Variants in CYB5D2 observed in about 807,000 individuals in gnomAD.
The protein encoded by CYB5D2 is cytochrome b5 domain containing 2.
A neutral mutation model predicts 22.8 loss-of-function variants in CYB5D2; 23 were observed. The ratio of observed to expected loss-of-function variants is 1.01; its 90% CI spans 0.73 to 1.43. The LOEUF (loss-of-function observed/expected upper bound fraction) is 1.43. Ranked by LOEUF, CYB5D2 falls within the 40% of genes most tolerant of loss-of-function variation. The pLI is 0.00. For missense variants in CYB5D2, 373 were observed against 357.2 expected (o/e 1.04, Z -0.36); for synonymous variants, 170 against 152.2 (o/e 1.12, Z -0.86).
chr17:4,145,014 CT>C (rs1328897183), intron 1 of CYB5D2, among the ~76,000 whole-genome samples: 1 of 152,100 alleles, frequency 6.6e-6, no homozygotes, highest in Non-Finnish European at 1.5e-5. Flanking sequence ...TCTCGATCTC[CT>C]GACCTTATGA....
chr17:4,156,943 G>A lies in CYB5D2; in HGVS notation c.656G>A (p.Cys219Tyr), dbSNP rs139208360. 1 of 1,612,772 alleles carries A rather than the reference G, an allele frequency of 6.2e-7. No individual in the cohort carries two copies. Among genetic ancestry groups the A allele is most frequent in the African/African-American group, 1.3e-5 (1 of 74,884 alleles). The change falls in exon 4 of 4, where the codon TGT becomes TAT. Residue 219 changes from cysteine (C) to tyrosine (Y), a missense_variant. Transcript: ENST00000301391. ...GGTGCTAAGGAGCCCCGCTGCGTGT[G>A]TGTGAGAACCACCGGCCCCCCTAGT... ...KPGAKEPRCV[C>Y]VRTTGPPSGQ...
In CYB5D2 at chr17:4,154,946, G is replaced by A. The variant is rs2059098661; in HGVS notation, c.578+86G>A. 66 of 1,379,784 alleles carry A rather than the reference G, an allele frequency of 4.8e-5. No homozygotes were observed. In the South Asian group the frequency reaches 8.5e-4, roughly 18 times the overall value. The allele number at this position is 1,379,784 out of a possible 1,614,324, so 85.5% of individuals were successfully genotyped here. A position where few individuals can be genotyped will look rare whatever the true frequency, so the allele number is the denominator to read the frequency against. On this transcript the variant is annotated intron_variant, in intron 3 of 3. Coordinates refer to ENST00000301391, the MANE Select transcript of CYB5D2 (RefSeq NM_144611.4). The stretch of plus-strand genomic sequence containing the variant: ...TGCCTGCAGTATTCAGTGAATTCAG[G>A]AATTGATTGTTAACCCTGGGGAGCT...
chr17:4,143,908 G>A lies in CYB5D2; in HGVS notation c.153G>A (p.Gly51=). The A allele has an allele frequency of 2.5e-6, 4 of 1,613,870 alleles. No individual in the cohort carries two copies. The highest frequency in any genetic ancestry group is 3.4e-6 in the Non-Finnish European group (4 of 1,180,010). ...EELSRYRGGP[G]DPGLYLALLG... is the part of the protein sequence containing the mutation. The stretch of plus-strand genomic sequence containing the variant: ...TGTCTCGCTACCGCGGCGGCCCAGG[G>A]GACCCGGGCCTGTACTTGGCGTTGC... Residue 51 remains glycine, a synonymous_variant, in exon 1 of 4, where the codon GGG becomes GGA. Coordinates refer to ENST00000301391, the MANE Select transcript of CYB5D2 (RefSeq NM_144611.4).
At chr17:4,148,477 A>G (rs956976930) in intron 1 of CYB5D2, among the ~76,000 whole-genome samples, 1 of 140,666 alleles carries the variant, frequency 7.1e-6, no homozygotes, top group Admixed American at 7.3e-5. Flanking sequence ...AGATTGCGCC[A>G]TTGCACTCCA....
chr17:4,147,148 G>A (rs376383305), intron 1 of CYB5D2, among the ~76,000 whole-genome samples: 30 of 152,104 alleles, frequency 2.0e-4, no homozygotes, highest in South Asian at 1.0e-3. Flanking sequence ...GTCCATGCCC[G>A]TAGTCTCAGC....
In CYB5D2 at chr17:4,157,657, G is replaced by A; in HGVS notation, c.*575G>A. 1 of 156,396 alleles carries A rather than the reference G, an allele frequency of 6.4e-6. No homozygotes were observed. The highest frequency in any genetic ancestry group is 1.4e-5 in the Non-Finnish European group (1 of 71,010). The allele number at this position is 156,396 out of a possible 1,614,324, so 9.7% of individuals were successfully genotyped here. On this transcript the variant is annotated 3_prime_UTR_variant, in exon 4 of 4. Coordinates refer to ENST00000301391, the MANE Select transcript of CYB5D2 (RefSeq NM_144611.4). This position sits in a 1 kb window ranked among gnomAD's most constrained non-coding sequence, Gnocchi z 4.4. ...CTTCCCAGCTCTAACAAGGTAACTG[G>A]TTAGCATGACATTAAAGCTTGGGCA...
At chr17:4,148,920 A>C (rs1205705786) in intron 1 of CYB5D2, among the ~76,000 whole-genome samples, 5 of 151,374 alleles carry the variant, frequency 3.3e-5, no homozygotes, top group African/African-American at 1.2e-4. Context: ...CCTGGCTGTG[A>C]GGGTGCTGAT....
At position 4,143,693 on chromosome 17, in the gene CYB5D2, G is replaced by C; in HGVS notation, c.-63G>C. 2 of 1,528,618 alleles carry C rather than the reference G, an allele frequency of 1.3e-6. No individual in the cohort carries two copies. The highest frequency in any genetic ancestry group is 2.5e-5 in the South Asian group (2 of 78,504). 94.7% of individuals were successfully genotyped at this position (1,528,618 alleles called of 1,614,324 possible). ...CCGATGACGTCACGCTCGGCGTCTC[G>C]GCCATCTTAGCTGTAGATAGAGGCG... is the stretch of plus-strand genomic sequence containing the variant. On this transcript the variant is annotated 5_prime_UTR_variant, in exon 1 of 4. Transcript: ENST00000301391.
At chr17:4,156,789 C>T (rs1252779290) in intron 3 of CYB5D2, 77 bp from the exon 4 acceptor site, 13 of 1,499,150 alleles carry the variant, frequency 8.7e-6, no homozygotes, top group Non-Finnish European at 1.0e-5. Flanking sequence ...AGGCCTGGCT[C>T]TCTGCTTCCT....
chr17:4,154,496 G>A (rs1417106698), intron 2 of CYB5D2, among the ~76,000 whole-genome samples, 178 bp from the exon 3 acceptor site: 1 of 152,184 alleles, frequency 6.6e-6, no homozygotes, highest in Non-Finnish European at 1.5e-5. Flanking sequence ...CTGTGTGGGG[G>A]CTTGTAGGGT....
At chr17:4,146,827 C>T (rs193152865) in intron 1 of CYB5D2, among the ~76,000 whole-genome samples, 17 of 152,190 alleles carry the variant, frequency 1.1e-4, no homozygotes, top group Non-Finnish European at 2.1e-4. Flanking sequence ...CAACCACTAT[C>T]TACTTTCTTT....
intron 2 of CYB5D2, among the ~76,000 whole-genome samples, chr17:4,151,803 A>C (rs1482840907): frequency 6.6e-6 from 1 of 152,130 alleles, no homozygotes; most frequent in East Asian, 1.9e-4. Context: ...TCAGGAGTTC[A>C]AGACCAGCCT....
chr17:4,149,002 G>A (rs1420823658), intron 1 of CYB5D2, among the ~76,000 whole-genome samples: 1 of 151,506 alleles, frequency 6.6e-6, no homozygotes, highest in African/African-American at 2.4e-5. Context: ...ACGCAGGCTG[G>A]AGTGCAGTGG....
chr17:4,153,025 G>A (rs902948139), intron 2 of CYB5D2, among the ~76,000 whole-genome samples: 10 of 152,252 alleles, frequency 6.6e-5, no homozygotes, highest in African/African-American at 1.4e-4. Context: ...TGATCTGCCC[G>A]CCTCAGCCTC....
chr17:4,150,181 A>G (rs1269853315), intron 2 of CYB5D2, 150 bp downstream of exon 2: 1 of 977,318 alleles, frequency 1.0e-6, no homozygotes, highest in African/African-American at 1.6e-5. Flanking sequence ...AATAGGGATG[A>G]GCCGCCCAGA....
At chr17:4,153,214 C>T (rs1301683343) in intron 2 of CYB5D2, among the ~76,000 whole-genome samples, 4 of 152,184 alleles carry the variant, frequency 2.6e-5, no homozygotes, top group Non-Finnish European at 5.9e-5. Flanking sequence ...CTTTAGAGCA[C>T]ATGCTCAGGA....
chr17:4,148,299 C>T (rs2059015066), intron 1 of CYB5D2, among the ~76,000 whole-genome samples: 1 of 152,134 alleles, frequency 6.6e-6, no homozygotes, highest in African/African-American at 2.4e-5. Context: ...GGAACGTTAC[C>T]TCAGGTCAGG....
At chr17:4,145,448 G>T (rs2058979232) in intron 1 of CYB5D2, among the ~76,000 whole-genome samples, 1 of 152,246 alleles carries the variant, frequency 6.6e-6, no homozygotes, top group Non-Finnish European at 1.5e-5. Flanking sequence ...GTCGCTGCTA[G>T]TTGAAGGCAG....
At position 4,143,566 on chromosome 17, in the gene CYB5D2, C is replaced by T; in HGVS notation, c.-190C>T. ...AAAAGTACCTGGAAAAAGTCGCAGA[C>T]AGCGAGCTTTTCGCCAGTGCCAGGA... On this transcript the variant is annotated 5_prime_UTR_variant, in exon 1 of 4. Coordinates refer to ENST00000301391, the MANE Select transcript of CYB5D2 (RefSeq NM_144611.4). 2 of 701,784 alleles carry T rather than the reference C, an allele frequency of 2.8e-6. No homozygotes were observed. The highest frequency in any genetic ancestry group is 4.4e-6 in the Non-Finnish European group (2 of 455,596). 43.5% of individuals were successfully genotyped at this position (701,784 alleles called of 1,614,324 possible). A position where few individuals can be genotyped will look rare whatever the true frequency, so the allele number is the denominator to read the frequency against.
Sources: gnomAD v4.1 joint callset for allele counts (sites outside exome capture counted in the v4.1 genomes callset) on GRCh38, gnomAD v4.1.1 for gene constraint, Gnocchi (gnomAD v3.1) non-coding constraint, MANE v1.5 for transcripts, NCBI Gene and HGNC (gene_info 2026-07-23, HGNC 2026-07-21) for gene names.